The following MILR1 variants were observed in gnomAD, a reference collection of about 807,000 sequenced individuals.
MILR1 encodes the protein mast cell immunoglobulin like receptor 1, also known as allergin-1.
A neutral mutation model predicts 18.5 loss-of-function variants in MILR1; 31 were observed. The ratio of observed to expected loss-of-function variants is 1.68; its 90% CI spans 1.26 to 2.26. The LOEUF (loss-of-function observed/expected upper bound fraction) is 2.26. Among genes scored for constraint, MILR1 ranks in the 30% most tolerant of loss-of-function variants. MILR1 has a pLI of 0.00. For missense variants in MILR1, 257 were observed against 157.4 expected, an observed-to-expected ratio of 1.63 and a Z score of -3.38; for synonymous variants, 85 against 56.2, an observed-to-expected ratio of 1.51 and a Z score of -2.30.
At chr17:64,451,167 G>C (rs1191238878) in intron 2 of MILR1, among the ~76,000 whole-genome samples, 4 of 151,324 alleles carry the variant, frequency 2.6e-5, no homozygotes, top group Non-Finnish European at 5.9e-5. Flanking sequence ...CTTTGAGACA[G>C]AGTCTCTGCT....
Position 64,457,507 on chromosome 17 carries a change from A to G in MILR1, c.475A>G (p.Thr159Ala), listed in dbSNP as rs1226229798. 2.1e-6 allele frequency: 1 copy of G among 475,372 alleles called. No individual in the cohort carries two copies. The highest frequency in any genetic ancestry group is 3.9e-6 in the Non-Finnish European group (1 of 259,052). 29.4% of individuals were successfully genotyped at this position (475,372 alleles called of 1,614,324 possible). A position where few individuals can be genotyped will look rare whatever the true frequency, so the allele number is the denominator to read the frequency against. The change falls in exon 4 of 10, where the codon ACT becomes GCT. Residue 159 changes from threonine to alanine, a missense_variant. Physicochemically the swap from Thr to Ala is moderately conservative, Grantham distance 58 (BLOSUM62 0). Coordinates refer to ENST00000619286, the MANE Select transcript of MILR1 (RefSeq NM_001085423.2). ...CAATGGCTCGCTGCCCATCAATTAC[A>G]CTTTCTTTGAAAACCATGTTGCCAT... ...SVNGSLPINY[T>A]FFENHVAISP...
chr17:64,466,626 A>G lies in MILR1; in HGVS notation c.943A>G (p.Thr315Ala), dbSNP rs1555663328. Residue 315 changes from threonine (T) to alanine (A), a missense_variant, in exon 8 of 10, where the codon ACC becomes GCC. Physicochemically the swap from Thr to Ala is moderately conservative, Grantham distance 58. Coordinates refer to ENST00000619286, the MANE Select transcript of MILR1 (RefSeq NM_001085423.2). ...AKHSQELQYA[T>A]PVFQEVAPRE... The stretch of plus-strand genomic sequence containing the variant: ...ACACTCCCAGGAGCTACAGTATGCC[A>G]CCCCCGTGTTCCAGGAGGTGGCACC... 6.2e-7 allele frequency: 1 copy of G among 1,610,550 alleles called. No individual in the cohort carries two copies. The highest frequency in any genetic ancestry group is 1.1e-5 in the South Asian group (1 of 90,360).
At chr17:64,475,110 C>T in the MILR1 span, among the ~76,000 whole-genome samples, 40 of 150,446 alleles carry the variant, frequency 2.7e-4, no homozygotes, top group East Asian at 3.2e-3. Flanking sequence ...GGCTTTAACC[C>T]GGGAGGCAGA....
chr17:64,484,499 T>C, the MILR1 span, among the ~76,000 whole-genome samples: 30 of 151,996 alleles, frequency 2.0e-4, no homozygotes, highest in Middle Eastern at 3.4e-3. Flanking sequence ...TTTCCTGGAG[T>C]GTTCTGAGCA....
rs1598108240 is a variant in MILR1 at position 64,468,607 on chromosome 17, T to C, written c.*326T>C. The C allele has an allele frequency of 8.8e-7, 1 of 1,138,822 alleles. No individual in the cohort carries two copies. Among genetic ancestry groups the C allele is most frequent in the East Asian group, 7.4e-5 (1 of 13,508 alleles). 70.5% of individuals were successfully genotyped at this position (1,138,822 alleles called of 1,614,324 possible). A position where few individuals can be genotyped will look rare whatever the true frequency, so the allele number is the denominator to read the frequency against. On this transcript the variant is annotated 3_prime_UTR_variant, in exon 10 of 10. Transcript: ENST00000619286. The stretch of plus-strand genomic sequence containing the variant: ...CCCGGCCCTGAATCGCTTTAGTAAA[T>C]AAAGGGTCTCCAAGAATAAATTCAT...
intron 5 of MILR1, 105 bp from the exon 6 acceptor site, chr17:64,465,347 C>A: frequency 1.3e-6 from 1 of 794,418 alleles, no homozygotes. Context: ...TGGAGCAAGT[C>A]ACTCTCTGTT....
At chr17:64,463,898 A>G (rs1415424049) in intron 5 of MILR1, among the ~76,000 whole-genome samples, 1 of 139,206 alleles carries the variant, frequency 7.2e-6, no homozygotes, top group Non-Finnish European at 1.5e-5. Flanking sequence ...ATCTCCGCTC[A>G]CTGCAACCTC....
chr17:64,453,252 TGAGAC>T (rs1450487681), intron 3 of MILR1, among the ~76,000 whole-genome samples: 1 of 151,574 alleles, frequency 6.6e-6, no homozygotes, highest in Admixed American at 6.6e-5. Flanking sequence ...TATTTTTACT[TGAGAC>T]GAGGTTTCAC....
intron 4 of MILR1, among the ~76,000 whole-genome samples, chr17:64,458,708 G>T (rs2037357811): frequency 6.6e-6 from 1 of 151,914 alleles, no homozygotes; most frequent in Non-Finnish European, 1.5e-5. Context: ...GGTTCAGGGA[G>T]CCGTGGGGAT....
chr17:64,459,155 G>T (rs935458775), intron 4 of MILR1, among the ~76,000 whole-genome samples: 4 of 152,144 alleles, frequency 2.6e-5, no homozygotes, highest in African/African-American at 9.7e-5. Flanking sequence ...AAACTAGGTC[G>T]TGTGCAGTGG....
At chr17:64,452,082 G>GTTT (rs34558703) in intron 2 of MILR1, among the ~76,000 whole-genome samples, 1,473 of 137,168 alleles carry the variant, frequency 0.011, 36 homozygotes, top group South Asian at 0.063. Context: ...TCCCAGCTAT[G>GTTT]TTTTTTTTTT....
At chr17:64,481,612 C>T in the MILR1 span, among the ~76,000 whole-genome samples, 1 of 152,178 alleles carries the variant, frequency 6.6e-6, no homozygotes, top group African/African-American at 2.4e-5. Flanking sequence ...GTGGCTCACG[C>T]CTGTAATCCC....
intron 2 of MILR1, among the ~76,000 whole-genome samples, chr17:64,452,082 GTTT>G (rs34558703): frequency 0.049 from 6,725 of 137,186 alleles, 547 homozygotes; most frequent in African/African-American, 0.17. Flanking sequence ...TCCCAGCTAT[GTTT>G]TTTTTTTTTT....
chr17:64,456,132 C>A (rs1189205727), intron 3 of MILR1, among the ~76,000 whole-genome samples: 1 of 152,004 alleles, frequency 6.6e-6, no homozygotes, highest in African/African-American at 2.4e-5. Context: ...AGCTGTGTGA[C>A]CTTGGGCAAA....
intron 3 of MILR1, 42 bp from the exon 4 acceptor site, chr17:64,457,358 C>T: frequency 6.4e-6 from 3 of 465,342 alleles, no homozygotes; most frequent in Non-Finnish European, 1.2e-5. Flanking sequence ...GTGAGCACAC[C>T]CAGTCTGTTT....
the MILR1 span, chr17:64,497,057 C>G: frequency 3.0e-6 from 4 of 1,330,960 alleles, no homozygotes; most frequent in Admixed American, 7.1e-5. Context: ...GGAGAGGCCA[C>G]GGCGCAGGCG....
chr17:64,466,663 G>A lies in MILR1; in HGVS notation c.979+1G>A, dbSNP rs368261254. ...CAGGAGGTGGCACCAAGAGAGCAAG[G>A]TGAGCCACAGGTTGGGATAAGAGGT... On this transcript the variant is annotated splice_donor_variant, in intron 8 of 9. Coordinates refer to ENST00000619286, the MANE Select transcript of MILR1 (RefSeq NM_001085423.2). LOFTEE classifies it high-confidence loss of function. The A allele has an allele frequency of 1.2e-6, 2 of 1,603,512 alleles. No homozygotes were observed. Among genetic ancestry groups the A allele is most frequent in the Non-Finnish European group, 1.7e-6 (2 of 1,175,108 alleles).
chr17:64,449,853 G>T (rs1428341468), intron 2 of MILR1, among the ~76,000 whole-genome samples: 1 of 152,048 alleles, frequency 6.6e-6, no homozygotes, highest in Non-Finnish European at 1.5e-5. Context: ...ATTGGGAAGT[G>T]GTCTAACCTC....
At chr17:64,482,808 G>C in the MILR1 span, 1 of 695,638 alleles carries the variant, frequency 1.4e-6, no homozygotes, top group South Asian at 1.5e-5. Flanking sequence ...TTTTGGATTA[G>C]AGATGCAAAT....
Sources: gnomAD v4.1 joint callset for allele counts (sites outside exome capture counted in the v4.1 genomes callset) on GRCh38, gnomAD v4.1.1 for gene constraint, MANE v1.5 for transcripts, NCBI Gene and HGNC (gene_info 2026-07-23, HGNC 2026-07-21) for gene names.